The following NCOA1 variants were observed in gnomAD, a reference collection of about 807,000 sequenced individuals.
NCOA1 encodes the protein Hin-2 protein.
In NCOA1, 35 loss-of-function variants were observed where a neutral mutation model predicts 150.9. That is an observed-to-expected ratio of 0.23 (90% CI 0.18 to 0.31). NCOA1 has a LOEUF of 0.31. Ranked by LOEUF, NCOA1 falls within the 10% of genes least tolerant of loss-of-function variation. NCOA1 has a pLI of 1.00. For synonymous variants in NCOA1, 590 were observed against 630.0 expected, an observed-to-expected ratio of 0.94 and a Z score of 0.95; for missense variants, 1,491 against 1,749.3, an observed-to-expected ratio of 0.85 and a Z score of 2.63.
At chr2:24,692,760 G>C (rs990018533) in intron 9 of NCOA1, among the ~76,000 whole-genome samples, 5 of 152,164 alleles carry the variant, frequency 3.3e-5, no homozygotes, top group African/African-American at 1.2e-4. Context: ...TCTCTACCTG[G>C]AGCTGTCAGT....
At chr2:24,557,011 T>C (rs545658184) in intron 1 of NCOA1, among the ~76,000 whole-genome samples, 8 of 150,576 alleles carry the variant, frequency 5.3e-5, no homozygotes, top group Non-Finnish European at 7.4e-5. Context: ...TGTTGTTGGG[T>C]TGGGGGGGGT....
intron 4 of NCOA1, among the ~76,000 whole-genome samples, chr2:24,648,484 G>C: frequency 6.6e-6 from 1 of 152,106 alleles, no homozygotes; most frequent in East Asian, 1.9e-4. Context: ...TGTTGGCCAG[G>C]CTGATCTCGA....
At chr2:24,582,043 G>A (rs946631339) in intron 2 of NCOA1, among the ~76,000 whole-genome samples, 2 of 152,118 alleles carry the variant, frequency 1.3e-5, no homozygotes, top group Non-Finnish European at 2.9e-5. Context: ...TTAAGGAAAG[G>A]AATAAGGCAA....
At chr2:24,732,075 C>T (rs1452954996) in intron 17 of NCOA1, among the ~76,000 whole-genome samples, 1 of 152,098 alleles carries the variant, frequency 6.6e-6, no homozygotes, top group Non-Finnish European at 1.5e-5. Context: ...ATGAGCAAGG[C>T]CAGACCAAGG....
intron 16 of NCOA1, among the ~76,000 whole-genome samples, chr2:24,728,859 G>A: frequency 6.6e-6 from 1 of 152,178 alleles, no homozygotes; most frequent in African/African-American, 2.4e-5. Context: ...TCACTTTAGT[G>A]CATCTTGACC....
chr2:24,689,100 C>T lies in NCOA1; in HGVS notation c.533-2381C>T, dbSNP rs201587861. 5.3e-5 allele frequency among the ~76,000 whole-genome samples: 8 copies of T among 152,006 alleles called. No homozygotes were observed. The East Asian group carries it at 1.5e-3, about 29-fold the overall frequency. ...CTAGGCTCGGTATTCTATTTTGGTA[C>T]CATACTGTTTTTGTTACTGTACCCC... On this transcript the variant is annotated intron_variant, in intron 8 of 22. Coordinates refer to ENST00000348332, the MANE Select transcript of NCOA1 (RefSeq NM_003743.5).
At chr2:24,757,326 C>T (rs1664552265) in intron 20 of NCOA1, among the ~76,000 whole-genome samples, 1 of 152,128 alleles carries the variant, frequency 6.6e-6, no homozygotes, top group South Asian at 2.1e-4. Context: ...GGCACAGATA[C>T]AGTAAACCAT....
intron 11 of NCOA1, among the ~76,000 whole-genome samples, chr2:24,703,576 G>A (rs1673269188): frequency 6.6e-6 from 1 of 152,114 alleles, no homozygotes; most frequent in Non-Finnish European, 1.5e-5. Flanking sequence ...CAGTGATTTA[G>A]CTGAAATTGC....
intron 14 of NCOA1, among the ~76,000 whole-genome samples, chr2:24,712,036 G>A (rs890945314): frequency 1.3e-5 from 2 of 152,180 alleles, no homozygotes; most frequent in East Asian, 1.9e-4. Flanking sequence ...AGACAGCTGC[G>A]AAGAATAATC....
At chr2:24,703,624 T>A (rs900500847) in intron 11 of NCOA1, among the ~76,000 whole-genome samples, 2 of 152,204 alleles carry the variant, frequency 1.3e-5, no homozygotes, top group Non-Finnish European at 2.9e-5. Flanking sequence ...AATATAAGTC[T>A]TATCCTTTCA....
chr2:24,707,302 G>A lies in NCOA1; in HGVS notation c.1832G>A (p.Gly611Glu), dbSNP rs549970518. ...SSSDGKPLDS[G>E]LLHNNDRLSD... ...AGTGATGGCAAACCTCTGGATTCAG[G>A]GCTTCTGCATAACAATGACAGACTT... The change falls in exon 13 of 23, where the codon GGG (glycine) becomes GAG (glutamate). Residue 611 changes from glycine (G) to glutamate (E), a missense_variant. Physicochemically the swap from Gly to Glu is moderately conservative, Grantham distance 98. Transcript: ENST00000348332. The A allele has an allele frequency of 6.2e-7, 1 of 1,614,150 alleles. No homozygotes were observed. The highest frequency in any genetic ancestry group is 1.1e-5 in the South Asian group (1 of 91,072).
Position 24,563,396 on chromosome 2 carries a change from G to A in NCOA1, c.-395-899G>A, listed in dbSNP as rs1268998651. 2.6e-5 allele frequency among the ~76,000 whole-genome samples: 4 copies of A among 152,304 alleles called. No homozygotes were observed. The South Asian group carries it at 6.2e-4, about 24-fold the overall frequency. On this transcript the variant is annotated intron_variant, in intron 1 of 22. Coordinates refer to ENST00000348332, the MANE Select transcript of NCOA1 (RefSeq NM_003743.5). The stretch of plus-strand genomic sequence containing the variant: ...ATTTCTGACCCGTGGTATAATGACC[G>A]TCTCTGGAGCCTGATCCACTGCCTG...
intron 3 of NCOA1, among the ~76,000 whole-genome samples, chr2:24,635,824 G>A (rs1669915598): frequency 6.6e-6 from 1 of 152,096 alleles, no homozygotes; most frequent in South Asian, 2.1e-4. Flanking sequence ...AATATGAAGA[G>A]CTGGAAGTTT....
intron 3 of NCOA1, among the ~76,000 whole-genome samples, chr2:24,616,996 G>T (rs1345005854): frequency 1.3e-5 from 2 of 152,116 alleles, no homozygotes; most frequent in East Asian, 3.8e-4. Flanking sequence ...AGTATACTAG[G>T]AGTAGCCAAA....
At chr2:24,640,337 A>T (rs1670154483) in intron 3 of NCOA1, among the ~76,000 whole-genome samples, 1 of 152,160 alleles carries the variant, frequency 6.6e-6, no homozygotes, top group Admixed American at 6.5e-5. Flanking sequence ...AGGACAAGCT[A>T]GTCATCACTC....
chr2:24,738,427 G>A (rs1197669260), intron 17 of NCOA1, among the ~76,000 whole-genome samples: 1 of 152,012 alleles, frequency 6.6e-6, no homozygotes, highest in Non-Finnish European at 1.5e-5. Context: ...TTGTTTTCAA[G>A]AAAATCTCAT....
At chr2:24,626,170 AT>A (rs1205222246) in intron 3 of NCOA1, among the ~76,000 whole-genome samples, 1 of 152,164 alleles carries the variant, frequency 6.6e-6, no homozygotes, top group Non-Finnish European at 1.5e-5. Flanking sequence ...CCTCATGTAT[AT>A]TTAAGCTCTG....
At position 24,705,229 on chromosome 2, in the gene NCOA1, G is replaced by C. The variant is rs773483580; in HGVS notation, c.1093G>C (p.Asp365His). 6.2e-7 allele frequency: 1 copy of C among 1,613,726 alleles called. No individual in the cohort carries two copies. Among genetic ancestry groups the C allele is most frequent in the Admixed American group, 1.7e-5 (1 of 59,998 alleles). ...TTTCATCATGGGAATTCATATCATC[G>C]ACAGGTACTACTTATTTGGAGAGCT... Reference protein sequence around the residue: ...QPFIMGIHIIDREHSGLSPQD... With the variant: ...QPFIMGIHIIHREHSGLSPQD... Residue 365 changes from aspartate to histidine, a missense_variant, in exon 12 of 23, where the codon GAC becomes CAC. By Grantham distance (81) the Asp-to-His change is moderately conservative. Transcript: ENST00000348332.
chr2:24,554,654 C>G (rs1665996657), intron 1 of NCOA1: 2 of 152,208 alleles, frequency 1.3e-5, no homozygotes, highest in South Asian at 2.1e-4. Context: ...CAGCCTCACA[C>G]GACAGCTGAA....
Sources: allele counts gnomAD v4.1 joint callset (sites outside exome capture counted in the v4.1 genomes callset), GRCh38; gene constraint gnomAD v4.1.1; transcripts MANE v1.5; gene names NCBI Gene and HGNC (gene_info 2026-07-23, HGNC 2026-07-21).